COL23A1: variants seen among roughly 807,000 people sequenced by gnomAD.
COL23A1 encodes the protein collagen alpha-1(XXIII) chain.
COL23A1 carries 97 observed loss-of-function variants against 99.3 expected under a neutral mutation model. The observed-to-expected ratio is 0.98, with a 90% CI of 0.83 to 1.16. COL23A1 has a LOEUF of 1.16. Ranked by LOEUF, COL23A1 falls within the 50% of genes most tolerant of loss-of-function variation. The probability of loss-of-function intolerance (pLI) is 0.00; values close to 1 mark genes in which losing one functional copy is unlikely to be tolerated. For synonymous variants in COL23A1, 320 were observed against 308.2 expected (o/e 1.04, Z -0.40); for missense variants, 762 against 757.4 (o/e 1.01, Z -0.07).
rs1764216220 is a variant in COL23A1 at position 178,238,267 on chromosome 5, G to C, written c.*431C>G. 2 of 161,774 alleles carry C rather than the reference G, an allele frequency of 1.2e-5. No homozygotes were observed. Among genetic ancestry groups the C allele is most frequent in the Admixed American group, 6.2e-5 (1 of 16,094 alleles). The allele number at this position is 161,774 out of a possible 1,614,324, so 10.0% of individuals were successfully genotyped here. A position where few individuals can be genotyped will look rare whatever the true frequency, so the allele number is the denominator to read the frequency against. On this transcript the variant is annotated 3_prime_UTR_variant, in exon 29 of 29. Transcript: ENST00000390654. Reference sequence around the variant, plus strand: ...AGTTTGGAGGCTGATGAGGCCAGGAGCAACAGCAGCCGCTGTTCCACCCCT... The same window carrying C: ...AGTTTGGAGGCTGATGAGGCCAGGACCAACAGCAGCCGCTGTTCCACCCCT...
At chr5:178,504,733 ACAT>A (rs1758769754) in intron 2 of COL23A1, among the ~76,000 whole-genome samples, 3 of 152,198 alleles carry the variant, frequency 2.0e-5, no homozygotes, top group Non-Finnish European at 4.4e-5. Flanking sequence ...GTGTGCCTTG[ACAT>A]GCACTGCGTA....
chr5:178,460,723 C>G (rs1041945990), intron 2 of COL23A1, among the ~76,000 whole-genome samples: 5 of 152,184 alleles, frequency 3.3e-5, no homozygotes, highest in Admixed American at 6.5e-5. Flanking sequence ...CTTTTCTTAT[C>G]TTATGCCTGT....
At chr5:178,345,253 A>G (rs1261581158) in intron 2 of COL23A1, 9 of 767,500 alleles carry the variant, frequency 1.2e-5, no homozygotes, top group Non-Finnish European at 2.0e-5. Flanking sequence ...TTCAAGACAG[A>G]CCTAAATTTG....
At chr5:178,558,300 T>C (rs1762388023) in intron 2 of COL23A1, among the ~76,000 whole-genome samples, 1 of 152,042 alleles carries the variant, frequency 6.6e-6, no homozygotes, top group African/African-American at 2.4e-5. Context: ...CAAGATGTTA[T>C]CATTTACTGA....
In COL23A1 at chr5:178,434,559, C is replaced by T. The variant is rs1766447238; in HGVS notation, c.361+126123G>A. On this transcript the variant is annotated intron_variant, in intron 2 of 28. Transcript: ENST00000390654. The surrounding 1 kb of genome is among the most constrained non-coding windows in gnomAD (Gnocchi z 4.3). ...GCTGAGCCCCAGCCTGGGGCCTTCC[C>T]TGGGGCCTTCCACTGGCGCTCTTCC... Among the ~76,000 whole-genome samples, 1 of 152,208 alleles carries T rather than the reference C, an allele frequency of 6.6e-6. No homozygotes were observed. Among genetic ancestry groups the T allele is most frequent in the African/African-American group, 2.4e-5 (1 of 41,442 alleles).
At chr5:178,389,177 C>G (rs1763829359) in intron 2 of COL23A1, among the ~76,000 whole-genome samples, 1 of 152,188 alleles carries the variant, frequency 6.6e-6, no homozygotes, top group South Asian at 2.1e-4. Flanking sequence ...GGCTGTCACG[C>G]TCCCGTTGCC....
Position 178,533,294 on chromosome 5 carries a change from C to A in COL23A1, c.361+27388G>T, listed in dbSNP as rs367689613. Among the ~76,000 whole-genome samples, 22 of 152,336 alleles carry A rather than the reference C, an allele frequency of 1.4e-4. No homozygotes were observed. The East Asian group carries it at 3.9e-3, about 27-fold the overall frequency. Reference sequence around the variant, plus strand: ...AATGTTGTGCAACCATCACCACCATCCGTTGCTAGAACGTTTTCATCATCC... The same window carrying A: ...AATGTTGTGCAACCATCACCACCATACGTTGCTAGAACGTTTTCATCATCC... On this transcript the variant is annotated intron_variant, in intron 2 of 28. Transcript: ENST00000390654.
chr5:178,378,162 CTG>C (rs1328301894), intron 2 of COL23A1: 2 of 152,196 alleles, frequency 1.3e-5, no homozygotes, highest in East Asian at 1.9e-4. Context: ...AGTAGTGGGA[CTG>C]TGTCTGTGAA....
chr5:178,483,759 G>A (rs1028848543), intron 2 of COL23A1, among the ~76,000 whole-genome samples: 5 of 152,266 alleles, frequency 3.3e-5, no homozygotes, highest in Admixed American at 1.3e-4. Context: ...TCTCCAATGC[G>A]GCCATCTTTA....
chr5:178,323,322 G>A (rs1176982655), intron 2 of COL23A1, among the ~76,000 whole-genome samples: 1 of 152,106 alleles, frequency 6.6e-6, no homozygotes, highest in Non-Finnish European at 1.5e-5. Flanking sequence ...TGCCCACAAA[G>A]GGCCCTGTGG....
At chr5:178,408,999 C>T (rs1373387813) in intron 2 of COL23A1, among the ~76,000 whole-genome samples, 2 of 147,844 alleles carry the variant, frequency 1.4e-5, no homozygotes, top group Non-Finnish European at 3.0e-5. Context: ...CACACACACA[C>T]ACACACACAC....
intron 2 of COL23A1, among the ~76,000 whole-genome samples, chr5:178,538,460 T>C (rs574571139): frequency 1.6e-4 from 25 of 152,376 alleles, no homozygotes; most frequent in Admixed American, 9.8e-4. Flanking sequence ...ATAAAATTAC[T>C]GTTTAAATTG....
chr5:178,564,874 G>A (rs1288588440), intron 1 of COL23A1, among the ~76,000 whole-genome samples: 2 of 152,180 alleles, frequency 1.3e-5, no homozygotes, highest in African/African-American at 4.8e-5. Flanking sequence ...CCTGTAAAAC[G>A]CTGTAAATAA....
At chr5:178,574,877 A>C (rs554318153) in intron 1 of COL23A1, among the ~76,000 whole-genome samples, 1 of 152,196 alleles carries the variant, frequency 6.6e-6, no homozygotes, top group Non-Finnish European at 1.5e-5. Flanking sequence ...CCTGCTCAAT[A>C]GGAATCCAGG....
At chr5:178,424,433 C>T (rs1033077039) in intron 2 of COL23A1, among the ~76,000 whole-genome samples, 2 of 152,228 alleles carry the variant, frequency 1.3e-5, no homozygotes, top group African/African-American at 2.4e-5. Context: ...ACCCTTTGAT[C>T]CAGGGCCCAG....
rs546295094 is a variant in COL23A1 at position 178,279,811 on chromosome 5, G to A, written c.441+8513C>T. 2.0e-5 allele frequency among the ~76,000 whole-genome samples: 3 copies of A among 152,278 alleles called. No individual in the cohort carries two copies. The East Asian group carries it at 5.8e-4, about 29-fold the overall frequency. ...AGCATCCTCTTCACCTTCTGACTTC[G>A]ACTCACACCTCCCTTCCTCAAGGCG... On this transcript the variant is annotated intron_variant, in intron 5 of 28. Transcript: ENST00000390654.
chr5:178,571,961 G>A (rs1026566843), intron 1 of COL23A1, among the ~76,000 whole-genome samples: 5 of 151,238 alleles, frequency 3.3e-5, no homozygotes, highest in African/African-American at 4.9e-5. Flanking sequence ...CCAGCTACTC[G>A]GGAGGCTGAG....
At chr5:178,502,270 T>C (rs1758591582) in intron 2 of COL23A1, among the ~76,000 whole-genome samples, 1 of 152,196 alleles carries the variant, frequency 6.6e-6, no homozygotes, top group Non-Finnish European at 1.5e-5. Flanking sequence ...CAGCTGGGAC[T>C]ACAGGCGCCC....
intron 3 of COL23A1, among the ~76,000 whole-genome samples, chr5:178,297,726 C>T (rs968674189): frequency 6.6e-6 from 1 of 152,192 alleles, no homozygotes; most frequent in East Asian, 1.9e-4. Flanking sequence ...CCACATCTGC[C>T]CAGTTCATTG....
Sources: gnomAD v4.1 joint callset for allele counts (sites outside exome capture counted in the v4.1 genomes callset) on GRCh38, gnomAD v4.1.1 for gene constraint, Gnocchi (gnomAD v3.1) non-coding constraint, MANE v1.5 for transcripts, NCBI Gene and HGNC (gene_info 2026-07-23, HGNC 2026-07-21) for gene names.